Variants in ITPK1 observed in about 807,000 individuals in gnomAD.
ITPK1 encodes the protein inositol-tetrakisphosphate 1-kinase.
A neutral mutation model predicts 45.3 loss-of-function variants in ITPK1; 21 were observed. The observed-to-expected ratio is 0.46, with a 90% CI of 0.33 to 0.67. ITPK1 has a LOEUF of 0.67. ITPK1 is among the 30% of genes least tolerant of loss of function. The pLI is 0.02. For missense variants in ITPK1, 474 were observed against 573.5 expected (o/e 0.83, Z 1.77); for synonymous variants, 258 against 253.6 (o/e 1.02, Z -0.16).
chr14:92,996,355 T>C (rs1250163888), intron 4 of ITPK1, among the ~76,000 whole-genome samples: 1 of 150,804 alleles, frequency 6.6e-6, no homozygotes, highest in African/African-American at 2.4e-5. Flanking sequence ...ACACTGCATG[T>C]TCTCACTCAT....
At chr14:93,010,440 G>A (rs1887833509) in intron 4 of ITPK1, among the ~76,000 whole-genome samples, 1 of 152,248 alleles carries the variant, frequency 6.6e-6, no homozygotes, top group Non-Finnish European at 1.5e-5. Flanking sequence ...CAACAGCTCT[G>A]AAGGTGTTCT....
Position 93,094,433 on chromosome 14 carries a change from C to T in ITPK1, c.96-17814G>A, listed in dbSNP as rs529722729. ...CCAGCAAGCAGTGCCAGCTGCACACCACCCATACAGCTAAGTCACCAAGGA... is the reference window on the plus strand; with the variant it reads ...CCAGCAAGCAGTGCCAGCTGCACACTACCCATACAGCTAAGTCACCAAGGA... On this transcript the variant is annotated intron_variant, in intron 2 of 10. Transcript: ENST00000267615. Among the ~76,000 whole-genome samples, 6 of 152,300 alleles carry T rather than the reference C, an allele frequency of 3.9e-5. No homozygotes were observed. The South Asian group carries it at 1.2e-3, about 32-fold the overall frequency.
In ITPK1 at chr14:93,063,844, A is replaced by C. The variant is rs576501974; in HGVS notation, c.120+12751T>G. Among the ~76,000 whole-genome samples, 29 of 152,304 alleles carry C rather than the reference A, an allele frequency of 1.9e-4. No homozygotes were observed. In the East Asian group the frequency reaches 5.0e-3, roughly 26 times the overall value. On this transcript the variant is annotated intron_variant, in intron 3 of 10. Coordinates refer to ENST00000267615, the MANE Select transcript of ITPK1 (RefSeq NM_014216.6). The surrounding 1 kb of genome is among the most constrained non-coding windows in gnomAD (Gnocchi z 4.3). ...ACTCAGTAGACGAGGCACACACAGGAGTTCTCACTGCTGCTGCCTGGGCTG... is the reference window on the plus strand; with the variant it reads ...ACTCAGTAGACGAGGCACACACAGGCGTTCTCACTGCTGCTGCCTGGGCTG...
intron 2 of ITPK1, among the ~76,000 whole-genome samples, chr14:93,077,762 C>T (rs1352297359): frequency 1.3e-5 from 2 of 152,160 alleles, no homozygotes; most frequent in African/African-American, 4.8e-5. Context: ...CTCCAGGACG[C>T]CTCCTAACCT....
At chr14:93,109,789 C>A (rs879530803) in intron 2 of ITPK1, among the ~76,000 whole-genome samples, 2 of 152,180 alleles carry the variant, frequency 1.3e-5, no homozygotes, top group African/African-American at 2.4e-5. Flanking sequence ...AGTTTCAAAT[C>A]CTCAAACCCA....
At chr14:93,078,311 T>G (rs1891310233) in intron 2 of ITPK1, among the ~76,000 whole-genome samples, 1 of 152,132 alleles carries the variant, frequency 6.6e-6, no homozygotes, top group Non-Finnish European at 1.5e-5. Flanking sequence ...GTTTGTCAGC[T>G]CATTCAGTGA....
chr14:93,110,957 C>T (rs1454696247), intron 2 of ITPK1, among the ~76,000 whole-genome samples: 1 of 152,104 alleles, frequency 6.6e-6, no homozygotes, highest in Non-Finnish European at 1.5e-5. Flanking sequence ...CCTATAGACT[C>T]CCGGAGCCTC....
At chr14:93,085,720 T>A (rs1218306975) in intron 2 of ITPK1, among the ~76,000 whole-genome samples, 1 of 152,220 alleles carries the variant, frequency 6.6e-6, no homozygotes, top group Non-Finnish European at 1.5e-5. Context: ...AGATCAGGAA[T>A]CATCCTGACT....
intron 3 of ITPK1, among the ~76,000 whole-genome samples, chr14:93,059,268 T>C (rs1273652252): frequency 1.6e-4 from 5 of 30,842 alleles, no homozygotes; most frequent in Non-Finnish European, 2.3e-4. Context: ...GTGCTGGTCA[T>C]GAGGCAGGGG....
At chr14:92,974,791 GC>G (rs1885856589) in intron 5 of ITPK1, among the ~76,000 whole-genome samples, 1 of 150,040 alleles carries the variant, frequency 6.7e-6, no homozygotes, top group Non-Finnish European at 1.5e-5. Flanking sequence ...TCACTGAAAG[GC>G]AGCCTGGAGT....
At chr14:93,060,712 C>CA (rs1890481523) in intron 3 of ITPK1, among the ~76,000 whole-genome samples, 1 of 152,082 alleles carries the variant, frequency 6.6e-6, no homozygotes, top group Non-Finnish European at 1.5e-5. Context: ...ATGGAAGAGT[C>CA]AGAGTAGAAA....
Position 92,938,794 on chromosome 14 carries a change from G to A in ITPK1, c.*2767C>T, listed in dbSNP as rs577005835. 39 of 583,348 alleles carry A rather than the reference G, an allele frequency of 6.7e-5. No homozygotes were observed. Among genetic ancestry groups the A allele is most frequent in the African/African-American group, 6.5e-4 (35 of 53,616 alleles). The allele number at this position is 583,348 out of a possible 1,614,324, so 36.1% of individuals were successfully genotyped here. A position where few individuals can be genotyped will look rare whatever the true frequency, so the allele number is the denominator to read the frequency against. ...GGGGACACCCAGCAGCTGGCACTCA[G>A]TTGGGGGGTTATGTTTGCAGAATCA... On this transcript the variant is annotated 3_prime_UTR_variant, in exon 11 of 11. Coordinates refer to ENST00000267615, the MANE Select transcript of ITPK1 (RefSeq NM_014216.6).
chr14:93,112,761 C>T (rs1230545799), intron 2 of ITPK1, among the ~76,000 whole-genome samples: 1 of 152,152 alleles, frequency 6.6e-6, no homozygotes, highest in Non-Finnish European at 1.5e-5. Context: ...TTTTCAAATA[C>T]CTTTAGACTT....
chr14:93,075,573 A>C (rs1360177136), intron 3 of ITPK1, among the ~76,000 whole-genome samples: 1 of 152,122 alleles, frequency 6.6e-6, no homozygotes, highest in East Asian at 1.9e-4. Flanking sequence ...AACCAGCCCC[A>C]GTCTGGTCCC....
chr14:93,101,330 C>A (rs971547668), intron 2 of ITPK1, among the ~76,000 whole-genome samples: 1 of 152,242 alleles, frequency 6.6e-6, no homozygotes, highest in African/African-American at 2.4e-5. Context: ...GATCGTGAAT[C>A]TCTGTACCTC....
chr14:93,001,574 C>T (rs1887357796), intron 4 of ITPK1, among the ~76,000 whole-genome samples: 1 of 152,122 alleles, frequency 6.6e-6, no homozygotes, highest in Non-Finnish European at 1.5e-5. Context: ...CCCAGCGTGC[C>T]ACACCCAGAG....
At chr14:93,000,183 G>T (rs1229835696) in intron 4 of ITPK1, among the ~76,000 whole-genome samples, 1 of 152,190 alleles carries the variant, frequency 6.6e-6, no homozygotes, top group Non-Finnish European at 1.5e-5. Flanking sequence ...CTTTTTGGCT[G>T]TTAGGAGCAA....
At chr14:92,946,170 C>T (rs1375382590) in intron 10 of ITPK1, among the ~76,000 whole-genome samples, 161 bp downstream of exon 10, 16 of 152,282 alleles carry the variant, frequency 1.1e-4, no homozygotes, top group African/African-American at 3.4e-4. Context: ...GTAAGCCCAT[C>T]GCGCAGGTGA....
chr14:93,054,053 C>A (rs77828189), intron 3 of ITPK1, among the ~76,000 whole-genome samples: 5,325 of 152,316 alleles, frequency 0.035, 325 homozygotes, highest in African/African-American at 0.12. Flanking sequence ...CCACCCAGCA[C>A]TTCATGCATC....
Sources: allele counts gnomAD v4.1 joint callset (sites outside exome capture counted in the v4.1 genomes callset), GRCh38; gene constraint gnomAD v4.1.1; non-coding constraint Gnocchi (gnomAD v3.1); transcripts MANE v1.5; gene names NCBI Gene and HGNC (gene_info 2026-07-23, HGNC 2026-07-21).